FAM91A1: variants seen among roughly 807,000 people sequenced by gnomAD.
The protein encoded by FAM91A1 is protein FAM91A1.
Under a neutral mutation model 113.5 loss-of-function variants are expected in FAM91A1, and 41 were observed. The observed-to-expected ratio is 0.36, with a 90% CI of 0.28 to 0.47. The LOEUF is 0.47. FAM91A1 is among the 20% of genes least tolerant of loss of function. FAM91A1 has a pLI of 1.00. For synonymous variants in FAM91A1, 307 were observed against 347.9 expected (o/e 0.88, Z 1.31); for missense variants, 696 against 1,001.2 (o/e 0.70, Z 4.11).
Position 123,778,085 on chromosome 8 carries a change from C to T in FAM91A1, c.428C>T (p.Ser143Leu), listed in dbSNP as rs1437028248. 6.2e-7 allele frequency: 1 copy of T among 1,609,500 alleles called. No homozygotes were observed. Among genetic ancestry groups the T allele is most frequent in the Non-Finnish European group, 8.5e-7 (1 of 1,177,700 alleles). Reference protein sequence around the residue: ...QYIDLMNQCRSSKKFFRRKTA... With the variant: ...QYIDLMNQCRLSKKFFRRKTA... ...ATTGATCTTATGAATCAGTGTAGAT[C>T]ATCAAAAGTAAGTTAGTACTTTCTT... The change falls in exon 5 of 24, where the codon TCA becomes TTA. Residue 143 changes from serine (S) to leucine (L), a missense_variant. Physicochemically the swap from Ser to Leu is moderately radical, Grantham distance 145. Coordinates refer to ENST00000334705, the MANE Select transcript of FAM91A1 (RefSeq NM_144963.4).
intron 3 of FAM91A1, 57 bp downstream of exon 3, chr8:123,775,355 CTT>C: frequency 6.4e-7 from 1 of 1,568,852 alleles, no homozygotes; most frequent in Non-Finnish European, 8.7e-7. Context: ...ATGTCTGGGA[CTT>C]TTTGCAGATG....
At chr8:123,792,462 AT>A (rs1175832815) in intron 15 of FAM91A1, among the ~76,000 whole-genome samples, 2 of 151,952 alleles carry the variant, frequency 1.3e-5, no homozygotes, top group African/African-American at 2.4e-5. Context: ...TCTAAGCATG[AT>A]TTTTTTCCCC....
chr8:123,805,942 A>G (rs2272683), intron 19 of FAM91A1, 138 bp from the exon 20 acceptor site: 143,856 of 756,846 alleles, frequency 0.19, 16,117 homozygotes, highest in African/African-American at 0.39. Context: ...ACAACTTTAT[A>G]TATTTCTTTT....
intron 2 of FAM91A1, among the ~76,000 whole-genome samples, chr8:123,774,578 T>A (rs1407677427): frequency 1.3e-5 from 2 of 152,154 alleles, no homozygotes; most frequent in Non-Finnish European, 2.9e-5. Flanking sequence ...TTCCATGATT[T>A]TTTTTTCTTC....
At chr8:123,770,055 C>A (rs901359305) in intron 1 of FAM91A1, among the ~76,000 whole-genome samples, 1 of 152,112 alleles carries the variant, frequency 6.6e-6, no homozygotes, top group Non-Finnish European at 1.5e-5. Context: ...TGGGTTCAAG[C>A]GATTCTCCTG....
chr8:123,801,525 C>T (rs189500985), intron 18 of FAM91A1, among the ~76,000 whole-genome samples: 58 of 152,264 alleles, frequency 3.8e-4, no homozygotes, highest in African/African-American at 1.2e-3. Context: ...GCATATTTTG[C>T]GCTAATTAAT....
intron 16 of FAM91A1, 102 bp downstream of exon 16, chr8:123,798,340 T>C: frequency 7.5e-7 from 1 of 1,341,820 alleles, no homozygotes; most frequent in Non-Finnish European, 1.0e-6. Flanking sequence ...CACTGAATCA[T>C]AGAAAGCAAT....
intron 18 of FAM91A1, among the ~76,000 whole-genome samples, chr8:123,801,889 G>A (rs1815691452): frequency 6.6e-6 from 1 of 151,938 alleles, no homozygotes; most frequent in South Asian, 2.1e-4. Context: ...TAGTGTTTGT[G>A]GAATAAATAA....
chr8:123,813,319 T>G lies in FAM91A1; in HGVS notation c.*615T>G, dbSNP rs558961088. The G allele has an allele frequency of 6.5e-6, 1 of 152,750 alleles. No individual in the cohort carries two copies. The highest frequency in any genetic ancestry group is 2.4e-5 in the African/African-American group (1 of 41,576). 9.5% of individuals were successfully genotyped at this position (152,750 alleles called of 1,614,324 possible). ...ACCTTGATTTATAAGGTCTTAAGAT[T>G]ATGACTATTCATTGACATCTCATGA... On this transcript the variant is annotated 3_prime_UTR_variant, in exon 24 of 24. Transcript: ENST00000334705.
At position 123,809,026 on chromosome 8, in the gene FAM91A1, T is replaced by TA; in HGVS notation, c.2261+11dup. On this transcript the variant is annotated intron_variant, in intron 22 of 23. Transcript: ENST00000334705. ...TTTGCAGAAAAGAGAGGTGAGGGTT[T>TA]ATATTCGCTGTCATATTTTCATATC... 1 of 1,609,208 alleles carries TA rather than the reference T, an allele frequency of 6.2e-7. No individual in the cohort carries two copies. The highest frequency in any genetic ancestry group is 8.5e-7 in the Non-Finnish European group (1 of 1,177,426).
At chr8:123,805,992 C>T in intron 19 of FAM91A1, 88 bp from the exon 20 acceptor site, 1 of 1,278,788 alleles carries the variant, frequency 7.8e-7, no homozygotes, top group African/African-American at 1.5e-5. Flanking sequence ...AAAAGTAGTT[C>T]TAAGAGTTGT....
intron 12 of FAM91A1, 73 bp downstream of exon 12, chr8:123,786,683 T>C: frequency 9.0e-7 from 1 of 1,106,932 alleles, no homozygotes; most frequent in Non-Finnish European, 1.4e-6. Context: ...ACTCTTACAG[T>C]TACCTTCTAA....
chr8:123,805,257 T>C lies in FAM91A1; in HGVS notation c.1810-10T>C. 1 of 1,602,840 alleles carries C rather than the reference T, an allele frequency of 6.2e-7. No individual in the cohort carries two copies. Among genetic ancestry groups the C allele is most frequent in the South Asian group, 1.1e-5 (1 of 89,228 alleles). On this transcript the variant is annotated splice_polypyrimidine_tract_variant and intron_variant, in intron 18 of 23. Coordinates refer to ENST00000334705, the MANE Select transcript of FAM91A1 (RefSeq NM_144963.4). ...TTCTTGTATACCTTTTAACTTTTGT[T>C]TATGTTTAGGGGCATGGTCTGCATG... is the stretch of plus-strand genomic sequence containing the variant.
At chr8:123,774,035 G>A (rs1179617830) in intron 1 of FAM91A1, 45 bp from the exon 2 acceptor site, 1 of 1,497,562 alleles carries the variant, frequency 6.7e-7, no homozygotes. Context: ...TAGTACTATT[G>A]TTCAGTTTGG....
rs1815804656 is a variant in FAM91A1, at chr8:123,806,191, T to C, written c.1994T>C (p.Leu665Pro). Reference protein sequence around the residue: ...YVTMLNASSQLADRKLSDASD... With the variant: ...YVTMLNASSQPADRKLSDASD... ...ACCATGTTGAATGCTTCCAGCCAACTTGCAGATAGAAAACTCAGTGATGCT... is the reference window on the plus strand; with the variant it reads ...ACCATGTTGAATGCTTCCAGCCAACCTGCAGATAGAAAACTCAGTGATGCT... Residue 665 changes from leucine (L) to proline (P), a missense_variant, in exon 20 of 24, where the codon CTT (leucine) becomes CCT (proline). Coordinates refer to ENST00000334705, the MANE Select transcript of FAM91A1 (RefSeq NM_144963.4). The C allele has an allele frequency of 6.2e-7, 1 of 1,613,426 alleles. No individual in the cohort carries two copies. Among genetic ancestry groups the C allele is most frequent in the Non-Finnish European group, 8.5e-7 (1 of 1,179,566 alleles).
At chr8:123,793,463 T>A (rs1263547905) in intron 15 of FAM91A1, among the ~76,000 whole-genome samples, 1 of 152,246 alleles carries the variant, frequency 6.6e-6, no homozygotes, top group Non-Finnish European at 1.5e-5. Context: ...TGTATGAATT[T>A]ATGAATTCTT....
At chr8:123,795,906 A>G (rs182643631) in intron 15 of FAM91A1, among the ~76,000 whole-genome samples, 132 of 152,352 alleles carry the variant, frequency 8.7e-4, no homozygotes, top group African/African-American at 2.9e-3. Context: ...AAGGGAAAAG[A>G]TAAATGCCAG....
chr8:123,777,984 G>A, intron 4 of FAM91A1, 41 bp from the exon 5 acceptor site: 1 of 1,528,530 alleles, frequency 6.5e-7, no homozygotes, highest in South Asian at 1.1e-5. Flanking sequence ...GAGATTTCAA[G>A]ATATGTTAAA....
chr8:123,808,958 G>A lies in FAM91A1; in HGVS notation c.2203G>A (p.Glu735Lys). Reference protein sequence around the residue: ...LCFGIPLFSSELNRKVCRKIA... With the variant: ...LCFGIPLFSSKLNRKVCRKIA... ...CTTTGGAATTCCACTGTTCAGTTCC[G>A]AATTAAACCGGAAAGTTTGTAGGAA... The change falls in exon 22 of 24, where the codon GAA becomes AAA. Residue 735 changes from glutamate to lysine, a missense_variant. Coordinates refer to ENST00000334705, the MANE Select transcript of FAM91A1 (RefSeq NM_144963.4). 7 of 1,612,970 alleles carry A rather than the reference G, an allele frequency of 4.3e-6. No individual in the cohort carries two copies. Among genetic ancestry groups the A allele is most frequent in the Non-Finnish European group, 5.9e-6 (7 of 1,179,386 alleles).
Sources: allele counts gnomAD v4.1 joint callset (sites outside exome capture counted in the v4.1 genomes callset), GRCh38; gene constraint gnomAD v4.1.1; transcripts MANE v1.5; gene names NCBI Gene and HGNC (gene_info 2026-07-23, HGNC 2026-07-21).